The following ATP11A variants were observed in gnomAD, a reference collection of about 807,000 sequenced individuals.
ATP11A encodes ATPase phospholipid transporting 11A, also known as phospholipid-transporting ATPase IH.
Under a neutral mutation model 154.4 loss-of-function variants are expected in ATP11A, and 81 were observed. The observed-to-expected ratio is 0.52, with a 90% CI of 0.44 to 0.63. ATP11A has a LOEUF of 0.63. Ranked by LOEUF, ATP11A falls within the 30% of genes least tolerant of loss-of-function variation. The pLI, the probability that ATP11A is intolerant of heterozygous loss-of-function variation, is 0.00. For missense variants in ATP11A, 1,316 were observed against 1,474.3 expected (o/e 0.89, Z 1.76); for synonymous variants, 623 against 585.9 (o/e 1.06, Z -0.91).
At chr13:112,756,369 G>A (rs2076833603) in intron 1 of ATP11A, among the ~76,000 whole-genome samples, 1 of 152,158 alleles carries the variant, frequency 6.6e-6, no homozygotes, top group African/African-American at 2.4e-5. Context: ...TCTAGACCCT[G>A]CAGGCCACCT....
At chr13:112,784,734 A>T (rs1396156895) in intron 1 of ATP11A, among the ~76,000 whole-genome samples, 1 of 152,146 alleles carries the variant, frequency 6.6e-6, no homozygotes, top group Non-Finnish European at 1.5e-5. Context: ...CGTGTTAGCC[A>T]GGATGGTCTC....
At chr13:112,737,475 G>A (rs1891114395) in intron 1 of ATP11A, among the ~76,000 whole-genome samples, 1 of 152,216 alleles carries the variant, frequency 6.6e-6, no homozygotes, top group Non-Finnish European at 1.5e-5. Flanking sequence ...TTCCAGGGAC[G>A]GTTTGGCAAG....
chr13:112,769,344 C>T (rs900331408), intron 1 of ATP11A, among the ~76,000 whole-genome samples: 12 of 152,206 alleles, frequency 7.9e-5, no homozygotes, highest in African/African-American at 2.9e-4. Flanking sequence ...AGCCTTGGCC[C>T]TGAGGCTCCC....
intron 22 of ATP11A, 25 bp downstream of exon 22, chr13:112,858,315 A>G: frequency 6.3e-7 from 1 of 1,596,832 alleles, no homozygotes; most frequent in Non-Finnish European, 8.6e-7. Flanking sequence ...GCTCCCCCTC[A>G]CGGTGTTAGC....
In ATP11A at chr13:112,826,710, C is replaced by T. The variant is rs146698899; in HGVS notation, c.1040C>T (p.Thr347Met). ...CTCTTGCAGTTCCTCAAGGCATTCA[C>T]GGACTTCCTGGCCTTCATGGTCCTC... ...RQRNLFLKAF[T>M]DFLAFMVLFN... The change falls in exon 12 of 30, where the codon ACG becomes ATG. Residue 347 changes from threonine (T) to methionine (M), a missense_variant. Physicochemically the swap from Thr to Met is moderately conservative, Grantham distance 81 (BLOSUM62 -1). Coordinates refer to ENST00000375645, the MANE Select transcript of ATP11A (RefSeq NM_015205.3). 2.4e-5 allele frequency: 39 copies of T among 1,614,092 alleles called. No individual in the cohort carries two copies. Among genetic ancestry groups the T allele is most frequent in the African/African-American group, 1.3e-5 (1 of 74,936 alleles).
chr13:112,767,649 T>TCTC (rs112314987), intron 1 of ATP11A, among the ~76,000 whole-genome samples: 5 of 151,942 alleles, frequency 3.3e-5, no homozygotes, highest in Admixed American at 1.3e-4. Context: ...GTGTGACTCT[T>TCTC]TTACTCTGAA....
chr13:112,694,287 G>C (rs886309056), intron 1 of ATP11A, among the ~76,000 whole-genome samples: 1 of 152,210 alleles, frequency 6.6e-6, no homozygotes, highest in African/African-American at 2.4e-5. Flanking sequence ...CAAGAATGGG[G>C]AAGCTCTCAG....
chr13:112,853,428 T>G (rs746251001), intron 18 of ATP11A, among the ~76,000 whole-genome samples: 23 of 152,200 alleles, frequency 1.5e-4, no homozygotes, highest in Non-Finnish European at 3.2e-4. Context: ...TCCTTCCAGT[T>G]AGAATTTAAA....
Position 112,831,425 on chromosome 13 carries a change from G to T in ATP11A, c.1272G>T (p.Met424Ile), listed in dbSNP as rs1455135977. The T allele has an allele frequency of 6.2e-7, 1 of 1,614,180 alleles. No individual in the cohort carries two copies. The highest frequency in any genetic ancestry group is 1.7e-5 in the Admixed American group (1 of 60,020). ...DKTGTLTENN[M>I]EFKECCIEGH... Reference sequence around the variant, plus strand: ...CCGGCACCCTCACGGAAAACAACATGGAGTTCAAGGAGTGCTGCATCGAAG... The same window carrying T: ...CCGGCACCCTCACGGAAAACAACATTGAGTTCAAGGAGTGCTGCATCGAAG... Residue 424 changes from methionine (M) to isoleucine (I), a missense_variant, in exon 13 of 30, where the codon ATG (methionine) becomes ATT (isoleucine). Transcript: ENST00000375645.
rs1306228891 is a variant in ATP11A at position 112,803,312 on chromosome 13, A to C, written c.163-1645A>C. Among the ~76,000 whole-genome samples, 3 of 152,230 alleles carry C rather than the reference A, an allele frequency of 2.0e-5. No individual in the cohort carries two copies. In the East Asian group the frequency reaches 5.8e-4, roughly 29 times the overall value. ...TACCAGGCTTTAGTTGTTACATTGA[A>C]TTGTAAATAACTTATATTCATGAGC... On this transcript the variant is annotated intron_variant, in intron 2 of 29. Transcript: ENST00000375645.
In ATP11A at chr13:112,793,506, G is replaced by A. The variant is rs146555045; in HGVS notation, c.162+8249G>A. ...ACGTGAGTCGCCGCGCCCATCCAGG[G>A]GCACGTTTCTTAACAGCCCCTCTGG... On this transcript the variant is annotated intron_variant, in intron 2 of 29. Transcript: ENST00000375645. 1.8e-4 allele frequency among the ~76,000 whole-genome samples: 27 copies of A among 152,280 alleles called. 1 individual carries two copies. In the East Asian group the frequency reaches 5.2e-3, roughly 29 times the overall value.
intron 29 of ATP11A, chr13:112,881,369 A>T (rs1286736457): frequency 9.6e-7 from 1 of 1,041,102 alleles, no homozygotes; most frequent in Non-Finnish European, 1.2e-6. Flanking sequence ...TACTAAATCA[A>T]CCCGGTCCCT....
chr13:112,776,199 G>A (rs1362337697), intron 1 of ATP11A, among the ~76,000 whole-genome samples: 1 of 152,198 alleles, frequency 6.6e-6, no homozygotes, highest in Non-Finnish European at 1.5e-5. Context: ...GCACACCTTG[G>A]GGCTGCTGAG....
Position 112,807,813 on chromosome 13 carries a change from C to T in ATP11A, c.333+1520C>T, listed in dbSNP as rs2078365201. Among the ~76,000 whole-genome samples, 1 of 152,022 alleles carries T rather than the reference C, an allele frequency of 6.6e-6. No homozygotes were observed. Among genetic ancestry groups the T allele is most frequent in the African/African-American group, 2.4e-5 (1 of 41,378 alleles). ...CAGAGGCTGCAGACAGGAAGGAGACCCCTGAGCCTCTCAAGGGGAGCAGAG... is the reference window on the plus strand; with the variant it reads ...CAGAGGCTGCAGACAGGAAGGAGACTCCTGAGCCTCTCAAGGGGAGCAGAG... On this transcript the variant is annotated intron_variant, in intron 4 of 29. Transcript: ENST00000375645. This position sits in a 1 kb window ranked among gnomAD's most constrained non-coding sequence, Gnocchi z 4.5.
At chr13:112,758,584 C>T (rs973296284) in intron 1 of ATP11A, among the ~76,000 whole-genome samples, 12 of 151,782 alleles carry the variant, frequency 7.9e-5, no homozygotes, top group African/African-American at 2.4e-4. Flanking sequence ...CCACCATGCC[C>T]GGCTAATTTT....
At position 112,696,726 on chromosome 13, in the gene ATP11A, C is replaced by A; in HGVS notation, c.39+6271C>A. 1 of 152,512 alleles carries A rather than the reference C, an allele frequency of 6.6e-6. No homozygotes were observed. The highest frequency in any genetic ancestry group is 2.4e-5 in the African/African-American group (1 of 41,568). 9.4% of individuals were successfully genotyped at this position (152,512 alleles called of 1,614,324 possible). A position where few individuals can be genotyped will look rare whatever the true frequency, so the allele number is the denominator to read the frequency against. On this transcript the variant is annotated intron_variant, in intron 1 of 29. Coordinates refer to ENST00000375645, the MANE Select transcript of ATP11A (RefSeq NM_015205.3). The surrounding 1 kb of genome is among the most constrained non-coding windows in gnomAD (Gnocchi z 6.2). Reference sequence around the variant, plus strand: ...CTCCATCACCCCCAGGCCCACCTCCCTCGGGCCCCTCTCTGCCCTTGCCCT... The same window carrying A: ...CTCCATCACCCCCAGGCCCACCTCCATCGGGCCCCTCTCTGCCCTTGCCCT...
At chr13:112,861,235 G>C (rs1229844282) in intron 24 of ATP11A, among the ~76,000 whole-genome samples, 1 of 152,154 alleles carries the variant, frequency 6.6e-6, no homozygotes, top group African/African-American at 2.4e-5. Context: ...ATGATGCGTG[G>C]GGATCATAGG....
intron 1 of ATP11A, among the ~76,000 whole-genome samples, chr13:112,752,444 GCCCCTGTGTGGAGCGGGTA>G (rs1359851132): frequency 1.3e-5 from 2 of 152,152 alleles, no homozygotes; most frequent in African/African-American, 2.4e-5. Context: ...CCCGGCGGGC[GCCCCTGTGTGGAGCGGGTA>G]CCCCTGTGCC....
chr13:112,772,008 C>T (rs2077236375), intron 1 of ATP11A, among the ~76,000 whole-genome samples: 1 of 152,196 alleles, frequency 6.6e-6, no homozygotes. Flanking sequence ...GTTCTTATCA[C>T]AAGTGACTGC....
Sources: gnomAD v4.1 joint callset for allele counts (sites outside exome capture counted in the v4.1 genomes callset) on GRCh38, gnomAD v4.1.1 for gene constraint, Gnocchi (gnomAD v3.1) non-coding constraint, MANE v1.5 for transcripts, NCBI Gene and HGNC (gene_info 2026-07-23, HGNC 2026-07-21) for gene names.